The following MRC2 variants were observed in gnomAD, a reference collection of about 807,000 sequenced individuals.
The protein encoded by MRC2 is C-type mannose receptor 2.
A neutral mutation model predicts 206.2 loss-of-function variants in MRC2; 84 were observed. The observed-to-expected ratio is 0.41, with a 90% CI of 0.34 to 0.49. The LOEUF (loss-of-function observed/expected upper bound fraction) is 0.49. Among genes scored for constraint, MRC2 ranks in the 20% least tolerant of loss-of-function variants. The pLI, the probability that MRC2 is intolerant of heterozygous loss-of-function variation, is 0.31. For synonymous variants in MRC2, 798 were observed against 800.0 expected, an observed-to-expected ratio of 1.00 and a Z score of 0.04; for missense variants, 1,676 against 2,001.5, an observed-to-expected ratio of 0.84 and a Z score of 3.10.
intron 1 of MRC2, among the ~76,000 whole-genome samples, chr17:62,632,048 C>T (rs1046297385): frequency 6.6e-5 from 10 of 152,086 alleles, no homozygotes; most frequent in South Asian, 2.1e-4. Context: ...CTTTCCCACG[C>T]CTGGGTCCTG....
At position 62,666,219 on chromosome 17, in the gene MRC2, AC is replaced by A. The variant is rs2088752105; in HGVS notation, c.649del (p.Gln217ArgfsTer28). 6.2e-7 allele frequency: 1 copy of A among 1,602,576 alleles called. No individual in the cohort carries two copies. The highest frequency in any genetic ancestry group is 8.5e-7 in the Non-Finnish European group (1 of 1,174,954). ...GGATGGTCACCTGTGGTGTGCCACCACCCAGGACTACGGCAAAGACGAGCGC... is the reference window on the plus strand; with the variant it reads ...GGATGGTCACCTGTGGTGTGCCACCACCAGGACTACGGCAAAGACGAGCGC... ...REDGHLWCAT[T>X]QDYGKDERWG... is the part of the protein sequence containing the mutation. On this transcript the variant is annotated frameshift_variant, in exon 3 of 30. Coordinates refer to ENST00000303375, the MANE Select transcript of MRC2 (RefSeq NM_006039.5). LOFTEE classifies it high-confidence loss of function. The surrounding 1 kb of genome is among the most constrained non-coding windows in gnomAD (Gnocchi z 5.0).
intron 1 of MRC2, among the ~76,000 whole-genome samples, chr17:62,630,153 C>T (rs1448829665): frequency 6.6e-6 from 1 of 152,178 alleles, no homozygotes; most frequent in Non-Finnish European, 1.5e-5. Flanking sequence ...GATGCATCCT[C>T]TGGAAAAAGA....
At chr17:62,640,409 A>C (rs951655826) in intron 1 of MRC2, among the ~76,000 whole-genome samples, 9 of 152,328 alleles carry the variant, frequency 5.9e-5, no homozygotes, top group Non-Finnish European at 1.2e-4. Context: ...TGAGCAGGCT[A>C]GGCATGATTC....
chr17:62,635,874 G>T (rs946238588), intron 1 of MRC2, among the ~76,000 whole-genome samples: 2 of 151,362 alleles, frequency 1.3e-5, no homozygotes, highest in African/African-American at 4.9e-5. Context: ...TGCAAGCTCT[G>T]CCTCCCCGGT....
intron 6 of MRC2, among the ~76,000 whole-genome samples, chr17:62,669,894 G>A (rs910760514): frequency 1.3e-5 from 2 of 152,174 alleles, no homozygotes; most frequent in African/African-American, 4.8e-5. Flanking sequence ...CTCCCATTCC[G>A]TAAGGGGCCA....
intron 8 of MRC2, among the ~76,000 whole-genome samples, chr17:62,673,610 G>A (rs1195871488): frequency 6.6e-6 from 1 of 150,664 alleles, no homozygotes; most frequent in Non-Finnish European, 1.5e-5. Context: ...CCAGGTTCAA[G>A]CGATTCTTCT....
At chr17:62,654,327 G>A (rs368026302) in intron 1 of MRC2, among the ~76,000 whole-genome samples, 119 of 152,144 alleles carry the variant, frequency 7.8e-4, no homozygotes, top group Admixed American at 5.0e-3. Flanking sequence ...TTGCTCCTGC[G>A]GTTGGGCAGC....
Position 62,690,529 on chromosome 17 carries a change from G to A in MRC2, c.3893-113G>A, listed in dbSNP as rs146681966. 5.0e-4 allele frequency: 746 copies of A among 1,481,432 alleles called. 8 individuals carry two copies. In the African/African-American group the frequency reaches 9.5e-3, roughly 19 times the overall value. 91.8% of individuals were successfully genotyped at this position (1,481,432 alleles called of 1,614,324 possible). Reference sequence around the variant, plus strand: ...GCACACACACACACATGAATCCACAGACTCCACACCATCCTCTACTCAGGC... The same window carrying A: ...GCACACACACACACATGAATCCACAAACTCCACACCATCCTCTACTCAGGC... On this transcript the variant is annotated intron_variant, in intron 26 of 29. Transcript: ENST00000303375.
chr17:62,634,362 G>A (rs1043603853), intron 1 of MRC2, among the ~76,000 whole-genome samples: 2 of 151,914 alleles, frequency 1.3e-5, no homozygotes, highest in Non-Finnish European at 1.5e-5. Flanking sequence ...GTGCGATGGC[G>A]TGGTCTTGGC....
chr17:62,651,973 G>T (rs1053062844), intron 1 of MRC2, among the ~76,000 whole-genome samples: 2 of 152,176 alleles, frequency 1.3e-5, no homozygotes, highest in East Asian at 3.9e-4. Context: ...TATCTAAGTT[G>T]TTTTTTTCTT....
rs938167021 is a variant in MRC2 at position 62,671,854 on chromosome 17, C to A, written c.1306+17C>A. ...TCAAGCAAGGTGAGGAGCTGCCCGC[C>A]CACGTGTCTGGGTGGAGGGCAGGGC... On this transcript the variant is annotated intron_variant, in intron 7 of 29. Transcript: ENST00000303375. The surrounding 1 kb of genome is among the most constrained non-coding windows in gnomAD (Gnocchi z 4.5). 2 of 1,587,074 alleles carry A rather than the reference C, an allele frequency of 1.3e-6. No homozygotes were observed. Among genetic ancestry groups the A allele is most frequent in the African/African-American group, 2.7e-5 (2 of 74,492 alleles).
At chr17:62,628,855 C>T (rs938184202) in intron 1 of MRC2, among the ~76,000 whole-genome samples, 2 of 152,030 alleles carry the variant, frequency 1.3e-5, no homozygotes, top group African/African-American at 4.8e-5. Context: ...GGGGAATCGC[C>T]CGGCCCAGCT....
At chr17:62,681,461 T>C (rs1313495890) in intron 18 of MRC2, 2 of 486,800 alleles carry the variant, frequency 4.1e-6, no homozygotes, top group Non-Finnish European at 7.3e-6. Flanking sequence ...GCAGAACATA[T>C]GATGATCCGG....
Position 62,680,481 on chromosome 17 carries a change from C to G in MRC2, c.2473+28C>G. The G allele has an allele frequency of 6.2e-7, 1 of 1,613,588 alleles. No homozygotes were observed. Among genetic ancestry groups the G allele is most frequent in the East Asian group, 2.2e-5 (1 of 44,868 alleles). ...GAGCACCCCCCAGCCCATCCCGCTA[C>G]CCATCGCGTGGGAGAGGGCGTCAAC... On this transcript the variant is annotated intron_variant, in intron 16 of 29. Coordinates refer to ENST00000303375, the MANE Select transcript of MRC2 (RefSeq NM_006039.5). This position sits in a 1 kb window ranked among gnomAD's most constrained non-coding sequence, Gnocchi z 4.8.
intron 1 of MRC2, among the ~76,000 whole-genome samples, chr17:62,634,221 G>T (rs577260137): frequency 6.6e-6 from 1 of 152,088 alleles, no homozygotes; most frequent in African/African-American, 2.4e-5. Flanking sequence ...GTAAACTGTC[G>T]TGGCGCTGAT....
Position 62,647,293 on chromosome 17 carries a change from C to T in MRC2, c.119-17255C>T, listed in dbSNP as rs535347554. Among the ~76,000 whole-genome samples, 27 of 149,672 alleles carry T rather than the reference C, an allele frequency of 1.8e-4. 2 individuals are homozygous for T. The South Asian group carries it at 5.5e-3, about 30-fold the overall frequency. ...CCGCCTCCTGGGTTCAAGTGATTCT[C>T]CTGCCTCAGCCTCCTGAGTAGCTGG... On this transcript the variant is annotated intron_variant, in intron 1 of 29. Coordinates refer to ENST00000303375, the MANE Select transcript of MRC2 (RefSeq NM_006039.5).
In MRC2 at chr17:62,693,550, A is replaced by G. The variant is rs1375561486; in HGVS notation, c.*1099A>G. 1 of 152,546 alleles carries G rather than the reference A, an allele frequency of 6.6e-6. No individual in the cohort carries two copies. The highest frequency in any genetic ancestry group is 1.5e-5 in the Non-Finnish European group (1 of 68,050). The allele number at this position is 152,546 out of a possible 1,614,324, so 9.4% of individuals were successfully genotyped here. ...ATTATTGTTTTTAAAAAAAAAGGAA[A>G]AAAGAAAAGCAAACAAATAAAACAC... On this transcript the variant is annotated 3_prime_UTR_variant, in exon 30 of 30. Transcript: ENST00000303375.
intron 1 of MRC2, among the ~76,000 whole-genome samples, chr17:62,631,260 C>T (rs1178086323): frequency 1.3e-5 from 2 of 152,080 alleles, no homozygotes; most frequent in Admixed American, 6.5e-5. Flanking sequence ...CCCACGGCTG[C>T]GCTGTGCATG....
intron 20 of MRC2, among the ~76,000 whole-genome samples, chr17:62,686,590 G>A (rs1231479007): frequency 6.6e-6 from 1 of 152,196 alleles, no homozygotes; most frequent in Non-Finnish European, 1.5e-5. Flanking sequence ...CCTGGTTTGT[G>A]GGACAGCCTC....
Sources: gnomAD v4.1 joint callset for allele counts (sites outside exome capture counted in the v4.1 genomes callset) on GRCh38, gnomAD v4.1.1 for gene constraint, Gnocchi (gnomAD v3.1) non-coding constraint, MANE v1.5 for transcripts, NCBI Gene and HGNC (gene_info 2026-07-23, HGNC 2026-07-21) for gene names.